SBF2: variants seen among roughly 807,000 people sequenced by gnomAD.
The protein encoded by SBF2 is SET binding factor 2.
A neutral mutation model predicts 225.2 loss-of-function variants in SBF2; 112 were observed. The observed-to-expected ratio is 0.50, with a 90% CI of 0.43 to 0.58. The LOEUF (loss-of-function observed/expected upper bound fraction) is 0.58. Ranked by LOEUF, SBF2 falls within the 20% of genes least tolerant of loss-of-function variation. The pLI is 0.00. For missense variants in SBF2, 1,996 were observed against 2,206.2 expected (o/e 0.90, Z 1.91); for synonymous variants, 763 against 773.3 (o/e 0.99, Z 0.22).
chr11:10,237,730 G>C (rs1354523736), intron 1 of SBF2, among the ~76,000 whole-genome samples: 2 of 152,188 alleles, frequency 1.3e-5, no homozygotes, highest in Non-Finnish European at 2.9e-5. Flanking sequence ...ACCCCCCAAA[G>C]ATTCTTTAGG....
At position 9,889,817 on chromosome 11, in the gene SBF2, T is replaced by C. The variant is rs555418312; in HGVS notation, c.1929+6126A>G. Among the ~76,000 whole-genome samples the C allele has an allele frequency of 6.3e-4, 96 of 152,338 alleles. 1 individual carries two copies. The highest frequency in any genetic ancestry group is 3.7e-4 in the Non-Finnish European group (25 of 68,034). Reference sequence around the variant, plus strand: ...TTTATAGAGACAGAAAGCAGATTAGTGGTTGCCTGGGGATGGGGAGCAACT... The same window carrying C: ...TTTATAGAGACAGAAAGCAGATTAGCGGTTGCCTGGGGATGGGGAGCAACT... On this transcript the variant is annotated intron_variant, in intron 17 of 39. Coordinates refer to ENST00000256190, the MANE Select transcript of SBF2 (RefSeq NM_030962.4).
chr11:10,235,556 A>T (rs978858611), intron 1 of SBF2, among the ~76,000 whole-genome samples: 2 of 151,984 alleles, frequency 1.3e-5, no homozygotes, highest in Non-Finnish European at 2.9e-5. Flanking sequence ...AAAAAACTCA[A>T]TTGAGAACCT....
At chr11:10,226,767 G>C (rs1214200422) in intron 1 of SBF2, among the ~76,000 whole-genome samples, 2 of 152,076 alleles carry the variant, frequency 1.3e-5, no homozygotes, top group African/African-American at 4.8e-5. Flanking sequence ...CTTTGCTATT[G>C]TGAATAGTGC....
At chr11:10,085,378 G>A (rs1347202185) in intron 2 of SBF2, among the ~76,000 whole-genome samples, 2 of 151,994 alleles carry the variant, frequency 1.3e-5, no homozygotes, top group African/African-American at 4.8e-5. Flanking sequence ...TGAGTTTCTG[G>A]TAAATGTATC....
intron 13 of SBF2, among the ~76,000 whole-genome samples, chr11:9,975,673 CAGAT>C (rs764537035): frequency 2.5e-4 from 38 of 152,234 alleles, no homozygotes; most frequent in Non-Finnish European, 4.4e-4. Flanking sequence ...ACAAAGAAAT[CAGAT>C]AGGACGGGAG....
chr11:9,992,514 G>A lies in SBF2; in HGVS notation c.1197C>T (p.Val399=), dbSNP rs1947482901. ...GTACTTTAGTGAGGAAATCATTCTC[G>A]ACCAAACCACGCTGCCCCAAGAATG... is the stretch of plus-strand genomic sequence containing the variant. ...KTAFLGQRGL[V]ENDFLTKVLS... is the part of the protein sequence containing the mutation. Residue 399 remains valine (V), a synonymous_variant, in exon 12 of 40, where the codon GTC becomes GTT. Transcript: ENST00000256190. 2 of 1,612,686 alleles carry A rather than the reference G, an allele frequency of 1.2e-6. No individual in the cohort carries two copies. The highest frequency in any genetic ancestry group is 1.3e-5 in the African/African-American group (1 of 74,812).
intron 16 of SBF2, among the ~76,000 whole-genome samples, chr11:9,943,452 T>C (rs1287744043): frequency 6.6e-6 from 1 of 151,394 alleles, no homozygotes; most frequent in Admixed American, 6.6e-5. Flanking sequence ...AACCACAAAC[T>C]AGGAAGAAAT....
chr11:10,056,016 T>C (rs746417744), intron 2 of SBF2, among the ~76,000 whole-genome samples: 52 of 152,190 alleles, frequency 3.4e-4, no homozygotes, highest in Non-Finnish European at 6.2e-4. Flanking sequence ...GTTTTGAACA[T>C]TCAAGTTTTG....
chr11:10,224,474 CTAAGCTTACAAGATCTG>C (rs1222895006), intron 1 of SBF2, among the ~76,000 whole-genome samples: 1 of 152,158 alleles, frequency 6.6e-6, no homozygotes, highest in African/African-American at 2.4e-5. Flanking sequence ...AAGCTCCTTA[CTAAGCTTACAAGATCTG>C]TATGATCTGG....
At chr11:9,989,994 T>C (rs1430972881) in intron 12 of SBF2, among the ~76,000 whole-genome samples, 16 of 152,192 alleles carry the variant, frequency 1.1e-4, no homozygotes, top group Admixed American at 6.5e-4. Context: ...TGACAGTGTG[T>C]GATCTGGGAC....
intron 16 of SBF2, among the ~76,000 whole-genome samples, chr11:9,910,702 T>C (rs1462985326): frequency 6.7e-6 from 1 of 148,784 alleles, no homozygotes; most frequent in East Asian, 2.0e-4. Context: ...GTTTAAAAAG[T>C]AAAAAAAAAA....
rs146848612 is a variant in SBF2 at position 9,813,914 on chromosome 11, C to T, written c.3979-1206G>A. 4.2e-3 allele frequency among the ~76,000 whole-genome samples: 636 copies of T among 151,816 alleles called. 4 individuals are homozygous for T. The highest frequency in any genetic ancestry group is 0.014 in the African/African-American group (591 of 41,342). ...CTGAGATGACACCACTGCACTCCAG[C>T]GTGGGCAGCAGAGTGAGACTCCACC... On this transcript the variant is annotated intron_variant, in intron 29 of 39. Coordinates refer to ENST00000256190, the MANE Select transcript of SBF2 (RefSeq NM_030962.4).
chr11:9,916,600 T>C (rs1863115241), intron 16 of SBF2, among the ~76,000 whole-genome samples: 1 of 149,316 alleles, frequency 6.7e-6, no homozygotes, highest in South Asian at 2.1e-4. Flanking sequence ...TTCTTTTCCT[T>C]TTTTTTCTTT....
At chr11:9,822,490 G>T (rs1209499946) in intron 28 of SBF2, among the ~76,000 whole-genome samples, 4 of 152,114 alleles carry the variant, frequency 2.6e-5, no homozygotes, top group Non-Finnish European at 5.9e-5. Flanking sequence ...TCGATCTCCT[G>T]ACCACGTGAT....
intron 2 of SBF2, among the ~76,000 whole-genome samples, chr11:10,084,573 C>T (rs976972302): frequency 7.9e-5 from 12 of 152,154 alleles, no homozygotes; most frequent in Admixed American, 2.6e-4. Context: ...AGCAATCCCA[C>T]TACTGGGTAT....
chr11:9,998,312 G>A lies in SBF2; in HGVS notation c.929C>T (p.Ser310Phe). 1 of 1,609,396 alleles carries A rather than the reference G, an allele frequency of 6.2e-7. No individual in the cohort carries two copies. The change falls in exon 9 of 40, where the codon TCC (serine) becomes TTC (phenylalanine). Residue 310 changes from serine to phenylalanine, a missense_variant. Physicochemically the swap from Ser to Phe is radical, Grantham distance 155. Coordinates refer to ENST00000256190, the MANE Select transcript of SBF2 (RefSeq NM_030962.4). ...CTGATGTAGAAGTGGTTCTGGGAGG[G>A]AAGAGAGGTGAATACATTCGGGAAT... ...IKIPECIHLS[S>F]LPEPLLHQTQ... is the part of the protein sequence containing the mutation.
At chr11:9,962,623 A>G (rs1260052935) in intron 15 of SBF2, among the ~76,000 whole-genome samples, 2 of 152,226 alleles carry the variant, frequency 1.3e-5, no homozygotes, top group African/African-American at 4.8e-5. Context: ...GGAAAGAAAA[A>G]GGACTCGGAG....
chr11:9,968,378 T>C lies in SBF2; in HGVS notation c.1563A>G (p.Ile521Met), dbSNP rs770392081. The C allele has an allele frequency of 7.4e-6, 12 of 1,614,054 alleles. No individual in the cohort carries two copies. Among genetic ancestry groups the C allele is most frequent in the African/African-American group, 1.3e-5 (1 of 74,924 alleles). ...KNQNAPPATRIEKKCVVPAGP... is the reference protein window; with the variant it reads ...KNQNAPPATRMEKKCVVPAGP... Reference sequence around the variant, plus strand: ...CTGCTGGCACAACACATTTCTTTTCTATTCGTGTGGCAGGAGGTGCATTCT... The same window carrying C: ...CTGCTGGCACAACACATTTCTTTTCCATTCGTGTGGCAGGAGGTGCATTCT... Residue 521 changes from isoleucine (I) to methionine (M), a missense_variant, in exon 14 of 40, where the codon ATA (isoleucine) becomes ATG (methionine). Ile to Met is a conservative substitution (Grantham distance 10). Coordinates refer to ENST00000256190, the MANE Select transcript of SBF2 (RefSeq NM_030962.4).
intron 17 of SBF2, among the ~76,000 whole-genome samples, chr11:9,881,441 T>C (rs1859753423): frequency 6.6e-6 from 1 of 152,088 alleles, no homozygotes; most frequent in African/African-American, 2.4e-5. Flanking sequence ...TGTTAATTGT[T>C]ACACGCATCT....
Sources: allele counts gnomAD v4.1 joint callset (sites outside exome capture counted in the v4.1 genomes callset), GRCh38; gene constraint gnomAD v4.1.1; transcripts MANE v1.5; gene names NCBI Gene and HGNC (gene_info 2026-07-23, HGNC 2026-07-21).